Variants in PAK5 observed in about 807,000 individuals in gnomAD.
The protein encoded by PAK5 is p21 (RAC1) activated kinase 5.
A neutral mutation model predicts 65.9 loss-of-function variants in PAK5; 16 were observed. The ratio of observed to expected loss-of-function variants is 0.24; its 90% CI spans 0.16 to 0.37. The LOEUF (loss-of-function observed/expected upper bound fraction) is 0.37. Among genes scored for constraint, PAK5 ranks in the 10% least tolerant of loss-of-function variants. The pLI is 1.00. For missense variants in PAK5, 785 were observed against 903.9 expected (o/e 0.87, Z 1.69); for synonymous variants, 371 against 354.9 (o/e 1.05, Z -0.51).
At chr20:9,612,879 T>G (rs1158626617) in intron 3 of PAK5, among the ~76,000 whole-genome samples, 1 of 152,184 alleles carries the variant, frequency 6.6e-6, no homozygotes, top group Admixed American at 6.5e-5. Flanking sequence ...GTGATGTTTA[T>G]TAGTTTTTAC....
chr20:9,559,992 T>G (rs916722638), intron 6 of PAK5, among the ~76,000 whole-genome samples: 4 of 152,202 alleles, frequency 2.6e-5, no homozygotes, highest in Non-Finnish European at 4.4e-5. Context: ...CACATATACC[T>G]TCAAATTAAT....
At chr20:9,664,711 C>T (rs1311472303) in intron 2 of PAK5, among the ~76,000 whole-genome samples, 1 of 152,068 alleles carries the variant, frequency 6.6e-6, no homozygotes, top group Non-Finnish European at 1.5e-5. Flanking sequence ...AATATTCATG[C>T]TTGGATGATA....
intron 3 of PAK5, among the ~76,000 whole-genome samples, chr20:9,591,609 A>C (rs1483380000): frequency 6.6e-6 from 1 of 152,032 alleles, no homozygotes; most frequent in Non-Finnish European, 1.5e-5. Flanking sequence ...TTTACTCAAG[A>C]TTCTGACATT....
At chr20:9,833,551 C>A (rs542521930) in intron 1 of PAK5, among the ~76,000 whole-genome samples, 17 of 151,648 alleles carry the variant, frequency 1.1e-4, no homozygotes, top group African/African-American at 3.6e-4. Flanking sequence ...ACTCCACTCT[C>A]CACACCACCT....
chr20:9,539,226 T>C lies in PAK5; in HGVS notation c.*236A>G, dbSNP rs985704471. 9.4e-6 allele frequency: 4 copies of C among 427,262 alleles called. No homozygotes were observed. The highest frequency in any genetic ancestry group is 7.0e-5 in the Admixed American group (2 of 28,568). The allele number at this position is 427,262 out of a possible 1,614,324, so 26.5% of individuals were successfully genotyped here. ...TTGCTGGATGAAGGGCTGAAAAATA[T>C]AATAATGACTTATTAAAGCCGTGCT... On this transcript the variant is annotated 3_prime_UTR_variant, in exon 10 of 10. Coordinates refer to ENST00000353224, the MANE Select transcript of PAK5 (RefSeq NM_177990.4).
intron 1 of PAK5, among the ~76,000 whole-genome samples, chr20:9,717,171 T>C (rs2048158047): frequency 6.6e-6 from 1 of 152,122 alleles, no homozygotes; most frequent in South Asian, 2.1e-4. Flanking sequence ...AACATGTTGA[T>C]AATGCATATT....
At chr20:9,623,922 T>C (rs1271992829) in intron 3 of PAK5, among the ~76,000 whole-genome samples, 1 of 152,206 alleles carries the variant, frequency 6.6e-6, no homozygotes, top group Non-Finnish European at 1.5e-5. Flanking sequence ...GAATGTAAGG[T>C]GTGCAACCTT....
chr20:9,741,850 G>T (rs1052017296), intron 1 of PAK5, among the ~76,000 whole-genome samples: 4 of 151,468 alleles, frequency 2.6e-5, no homozygotes, highest in African/African-American at 9.7e-5. Flanking sequence ...CACTAAGAAG[G>T]ATCCCAATGA....
At chr20:9,764,910 C>T (rs552623855) in intron 1 of PAK5, among the ~76,000 whole-genome samples, 1 of 152,128 alleles carries the variant, frequency 6.6e-6, no homozygotes, top group Non-Finnish European at 1.5e-5. Flanking sequence ...GAGACATTTA[C>T]AGTACATCAT....
At chr20:9,618,662 C>T (rs1226002975) in intron 3 of PAK5, among the ~76,000 whole-genome samples, 2 of 151,820 alleles carry the variant, frequency 1.3e-5, no homozygotes, top group African/African-American at 4.8e-5. Flanking sequence ...ATCCACCCAC[C>T]TTGGCCTCCC....
chr20:9,695,357 T>C (rs1405791490), intron 2 of PAK5, among the ~76,000 whole-genome samples: 2 of 152,096 alleles, frequency 1.3e-5, no homozygotes, highest in African/African-American at 2.4e-5. Flanking sequence ...GAATACTTGT[T>C]AGTTTAGTCC....
At chr20:9,667,805 G>T (rs902865478) in intron 2 of PAK5, among the ~76,000 whole-genome samples, 3 of 152,170 alleles carry the variant, frequency 2.0e-5, no homozygotes, top group African/African-American at 7.2e-5. Flanking sequence ...TTATGTATGT[G>T]TGTTTATTCC....
At chr20:9,621,631 C>T (rs2046770494) in intron 3 of PAK5, among the ~76,000 whole-genome samples, 1 of 152,092 alleles carries the variant, frequency 6.6e-6, no homozygotes, top group Non-Finnish European at 1.5e-5. Context: ...TACCAATGGG[C>T]TTATTATCTA....
intron 2 of PAK5, among the ~76,000 whole-genome samples, chr20:9,651,006 A>G (rs1463716538): frequency 1.3e-5 from 2 of 152,244 alleles, no homozygotes; most frequent in African/African-American, 4.8e-5. Flanking sequence ...TTACAAAATT[A>G]TCTAAAGGGT....
At chr20:9,679,472 A>G (rs2047620806) in intron 2 of PAK5, among the ~76,000 whole-genome samples, 2 of 152,146 alleles carry the variant, frequency 1.3e-5, no homozygotes, top group Non-Finnish European at 2.9e-5. Context: ...ATGTCTGTGC[A>G]TCTGTCTCTT....
intron 3 of PAK5, among the ~76,000 whole-genome samples, chr20:9,605,414 G>A (rs1248232135): frequency 6.6e-6 from 1 of 152,204 alleles, no homozygotes; most frequent in African/African-American, 2.4e-5. Context: ...TTTGCACATG[G>A]ATAGATGTAG....
intron 3 of PAK5, among the ~76,000 whole-genome samples, chr20:9,639,436 TCAGTTA>T (rs1245949587): frequency 6.6e-6 from 1 of 152,072 alleles, no homozygotes; most frequent in African/African-American, 2.4e-5. Context: ...TGGGTGTCCT[TCAGTTA>T]AATGGATTTG....
chr20:9,821,024 C>T (rs1362948063), intron 1 of PAK5, among the ~76,000 whole-genome samples: 1 of 152,156 alleles, frequency 6.6e-6, no homozygotes, highest in African/African-American at 2.4e-5. Context: ...TTTTCTGTTA[C>T]TCCAAGTGGG....
At chr20:9,668,991 G>T (rs2047456977) in intron 2 of PAK5, among the ~76,000 whole-genome samples, 1 of 152,190 alleles carries the variant, frequency 6.6e-6, no homozygotes. Context: ...GATCATAAGA[G>T]ACATTTTTAA....
Sources: gnomAD v4.1 joint callset for allele counts (sites outside exome capture counted in the v4.1 genomes callset) on GRCh38, gnomAD v4.1.1 for gene constraint, MANE v1.5 for transcripts, NCBI Gene and HGNC (gene_info 2026-07-23, HGNC 2026-07-21) for gene names.